Variants in PIP4K2A observed in about 807,000 individuals in gnomAD.
PIP4K2A encodes the protein phosphatidylinositol-5-phosphate 4-kinase type 2 alpha, also known as phosphatidylinositol 5-phosphate 4-kinase type-2 alpha.
Under a neutral mutation model 42.9 loss-of-function variants are expected in PIP4K2A, and 14 were observed. The ratio of observed to expected loss-of-function variants is 0.33; its 90% CI spans 0.22 to 0.51. The LOEUF (loss-of-function observed/expected upper bound fraction) is 0.51, where lower values mean the gene tolerates loss of function less well. Among genes scored for constraint, PIP4K2A ranks in the 20% least tolerant of loss-of-function variants. The pLI, the probability that PIP4K2A is intolerant of heterozygous loss-of-function variation, is 0.97. For synonymous variants in PIP4K2A, 192 were observed against 192.2 expected, an observed-to-expected ratio of 1.00 and a Z score of 0.01; for missense variants, 434 against 519.8, an observed-to-expected ratio of 0.83 and a Z score of 1.61.
intron 7 of PIP4K2A, among the ~76,000 whole-genome samples, chr10:22,548,856 C>T (rs527343099): frequency 1.3e-5 from 2 of 149,910 alleles, no homozygotes; most frequent in African/African-American, 2.5e-5. Context: ...GACCAGCCTG[C>T]GCAACAAAGC....
At chr10:22,669,325 T>C (rs546474945) in intron 1 of PIP4K2A, among the ~76,000 whole-genome samples, 3 of 152,262 alleles carry the variant, frequency 2.0e-5, no homozygotes, top group African/African-American at 7.2e-5. Context: ...CATAAGATTA[T>C]AGGTGTGGGG....
Position 22,684,304 on chromosome 10 carries a change from A to G in PIP4K2A, c.144+29879T>C, listed in dbSNP as rs567557246. The stretch of plus-strand genomic sequence containing the variant: ...AACCAGCATTAGTATCTGTGGTACT[A>G]ACAGTTAATACTAGGTACGCTTTGT... On this transcript the variant is annotated intron_variant, in intron 1 of 9. Coordinates refer to ENST00000376573, the MANE Select transcript of PIP4K2A (RefSeq NM_005028.5). Among the ~76,000 whole-genome samples, 71 of 152,304 alleles carry G rather than the reference A, an allele frequency of 4.7e-4. 1 individual carries two copies. The East Asian group carries it at 0.013, about 28-fold the overall frequency.
chr10:22,553,620 C>G (rs1418388293), intron 6 of PIP4K2A, among the ~76,000 whole-genome samples: 1 of 152,036 alleles, frequency 6.6e-6, no homozygotes, highest in African/African-American at 2.4e-5. Flanking sequence ...AGATGGGAAC[C>G]TTAATCATTC....
At chr10:22,659,938 T>G (rs1046524343) in intron 1 of PIP4K2A, among the ~76,000 whole-genome samples, 1 of 152,192 alleles carries the variant, frequency 6.6e-6, no homozygotes, top group Non-Finnish European at 1.5e-5. Flanking sequence ...TGGCTATCTT[T>G]AATTTAGCTT....
intron 3 of PIP4K2A, among the ~76,000 whole-genome samples, chr10:22,593,117 A>G (rs1837550715): frequency 6.6e-6 from 1 of 152,216 alleles, no homozygotes; most frequent in Admixed American, 6.5e-5. Flanking sequence ...GCAGCAGTGC[A>G]GGGGTTTACG....
At chr10:22,576,309 G>A (rs970975168) in intron 4 of PIP4K2A, among the ~76,000 whole-genome samples, 5 of 152,308 alleles carry the variant, frequency 3.3e-5, no homozygotes, top group East Asian at 1.9e-4. Flanking sequence ...TCTCTAGCAC[G>A]ATGCGCTGTT....
Position 22,550,663 on chromosome 10 carries a change from A to G in PIP4K2A, c.788T>C (p.Val263Ala). 6.6e-7 allele frequency: 1 copy of G among 1,516,958 alleles called. No homozygotes were observed. Among genetic ancestry groups the G allele is most frequent in the South Asian group, 1.1e-5 (1 of 89,338 alleles). The allele number at this position is 1,516,958 out of a possible 1,614,324, so 94.0% of individuals were successfully genotyped here. ...KVFLEKLKKD[V>A]EFLAQLKLMD... is the part of the protein sequence containing the mutation. ...CTCTCCACTGACTGTTCTTACCTCA[A>G]CATCCTTTTTTAGTTTTTCCAGGAA... The change falls in exon 7 of 10, where the codon GTT (valine) becomes GCT (alanine). Residue 263 changes from valine to alanine, a missense_variant. Physicochemically the swap from Val to Ala is moderately conservative, Grantham distance 64. Transcript: ENST00000376573.
At chr10:22,703,323 T>C (rs1408667382) in intron 1 of PIP4K2A, among the ~76,000 whole-genome samples, 2 of 152,092 alleles carry the variant, frequency 1.3e-5, no homozygotes, top group Admixed American at 6.6e-5. Context: ...GCAGGAGGAT[T>C]GCTTGAGCCC....
At chr10:22,552,075 A>C (rs1564417179) in intron 6 of PIP4K2A, among the ~76,000 whole-genome samples, 1 of 152,250 alleles carries the variant, frequency 6.6e-6, no homozygotes, top group Non-Finnish European at 1.5e-5. Flanking sequence ...CAATCTTTAT[A>C]AGCCAAACAG....
intron 1 of PIP4K2A, among the ~76,000 whole-genome samples, chr10:22,706,221 T>C (rs767770169): frequency 5.4e-4 from 82 of 152,278 alleles, no homozygotes; most frequent in Middle Eastern, 3.4e-3. Context: ...TGGGAGATTC[T>C]ATCTAATCCT....
At chr10:22,685,772 G>A (rs988203059) in intron 1 of PIP4K2A, among the ~76,000 whole-genome samples, 1 of 152,008 alleles carries the variant, frequency 6.6e-6, no homozygotes, top group African/African-American at 2.4e-5. Context: ...CAGGGAGGGA[G>A]AAAGAGAAAA....
chr10:22,568,908 C>A (rs1836913422), intron 5 of PIP4K2A: 3 of 832,476 alleles, frequency 3.6e-6, no homozygotes, highest in Non-Finnish European at 3.9e-6. Flanking sequence ...CTGGACACCC[C>A]TAACTATCGT....
chr10:22,567,506 C>T, intron 6 of PIP4K2A: 1 of 508,894 alleles, frequency 2.0e-6, no homozygotes, highest in South Asian at 1.8e-5. Flanking sequence ...AGTGTTAGGT[C>T]CTGGTTCCCT....
intron 1 of PIP4K2A, among the ~76,000 whole-genome samples, chr10:22,656,705 A>G (rs887130021): frequency 3.3e-5 from 5 of 151,830 alleles, no homozygotes; most frequent in Non-Finnish European, 5.9e-5. Flanking sequence ...GCTGAGGCAG[A>G]AGAATAGCTT....
intron 3 of PIP4K2A, 105 bp from the exon 4 acceptor site, chr10:22,591,886 A>C: frequency 2.0e-6 from 2 of 1,008,058 alleles, no homozygotes; most frequent in Non-Finnish European, 1.4e-6. Flanking sequence ...AGTTTTCAAA[A>C]ACATTTGTGT....
At chr10:22,701,137 T>C (rs1833707672) in intron 1 of PIP4K2A, among the ~76,000 whole-genome samples, 1 of 152,216 alleles carries the variant, frequency 6.6e-6, no homozygotes, top group Non-Finnish European at 1.5e-5. Flanking sequence ...TTATTAATCC[T>C]CTTCTGTCTC....
chr10:22,581,711 G>C (rs533717175), intron 4 of PIP4K2A, among the ~76,000 whole-genome samples: 1 of 152,042 alleles, frequency 6.6e-6, no homozygotes, highest in South Asian at 2.1e-4. Flanking sequence ...AATTCTAAGA[G>C]TGCTGTCAGA....
At chr10:22,562,734 G>A (rs752794047) in intron 6 of PIP4K2A, among the ~76,000 whole-genome samples, 6 of 152,064 alleles carry the variant, frequency 3.9e-5, no homozygotes, top group African/African-American at 1.2e-4. Flanking sequence ...TTCTCGACAC[G>A]CTCCTCCTGG....
intron 1 of PIP4K2A, among the ~76,000 whole-genome samples, chr10:22,699,027 C>T (rs1833653432): frequency 6.6e-6 from 1 of 152,102 alleles, no homozygotes; most frequent in Non-Finnish European, 1.5e-5. Flanking sequence ...CTGTGAGTAT[C>T]CGATGCCAGA....
Sources: gnomAD v4.1 joint callset for allele counts (sites outside exome capture counted in the v4.1 genomes callset) on GRCh38, gnomAD v4.1.1 for gene constraint, MANE v1.5 for transcripts, NCBI Gene and HGNC (gene_info 2026-07-23, HGNC 2026-07-21) for gene names.